AGO2: variants seen among roughly 807,000 people sequenced by gnomAD.
The protein encoded by AGO2 is protein argonaute-2.
Under a neutral mutation model 102.3 loss-of-function variants are expected in AGO2, and 5 were observed. The observed-to-expected ratio is 0.05, with a 90% CI of 0.03 to 0.10. The LOEUF is 0.10. AGO2 is among the 10% of genes least tolerant of loss of function. The pLI is 1.00. For missense variants in AGO2, 541 were observed against 1,183.7 expected (o/e 0.46, Z 7.97); for synonymous variants, 449 against 473.1 (o/e 0.95, Z 0.66).
chr8:140,632,553 A>C (rs1042756481), intron 1 of AGO2, among the ~76,000 whole-genome samples: 6 of 152,248 alleles, frequency 3.9e-5, no homozygotes, highest in Non-Finnish European at 7.3e-5. Flanking sequence ...GGTGTAACAC[A>C]CGGGAGCTTG....
At chr8:140,572,619 C>T (rs981449054) in intron 3 of AGO2, 193 bp downstream of exon 3, 3 of 708,938 alleles carry the variant, frequency 4.2e-6, no homozygotes, top group Middle Eastern at 4.3e-4. Flanking sequence ...CAAGTTAAAC[C>T]CCCATCACTG....
intron 1 of AGO2, among the ~76,000 whole-genome samples, chr8:140,614,450 G>A (rs1179492861): frequency 6.6e-6 from 1 of 152,192 alleles, no homozygotes; most frequent in African/African-American, 2.4e-5. Context: ...ACTAAATTCT[G>A]AGCCAATCTT....
intron 1 of AGO2, among the ~76,000 whole-genome samples, chr8:140,586,460 T>G (rs540400973): frequency 2.1e-4 from 32 of 152,330 alleles, no homozygotes; most frequent in African/African-American, 7.7e-4. Context: ...CACTCCAGCC[T>G]GGGTGACAGA....
At chr8:140,542,611 CCAAGATATAGTT>C (rs2072820289) in intron 14 of AGO2, among the ~76,000 whole-genome samples, 1 of 151,790 alleles carries the variant, frequency 6.6e-6, no homozygotes, top group Admixed American at 6.6e-5. Context: ...CTCCAAAAGC[CCAAGATATAGTT>C]GAATGCTTCA....
At chr8:140,595,113 G>C (rs2073806637) in intron 1 of AGO2, among the ~76,000 whole-genome samples, 1 of 152,082 alleles carries the variant, frequency 6.6e-6, no homozygotes, top group East Asian at 1.9e-4. Flanking sequence ...CTAGGCATTT[G>C]TCCTAAGGAA....
At chr8:140,533,185 C>G (rs564836927) in intron 17 of AGO2, among the ~76,000 whole-genome samples, 12 of 148,572 alleles carry the variant, frequency 8.1e-5, no homozygotes, top group South Asian at 4.3e-4. Context: ...GTCAGGAGAT[C>G]GAGACCATCC....
At chr8:140,635,941 C>T (rs1453435233), upstream of AGO2, among the ~76,000 whole-genome samples, 1 of 149,738 alleles carries the variant, frequency 6.7e-6, no homozygotes, top group Non-Finnish European at 1.5e-5. Flanking sequence ...GGGGCGGGCG[C>T]GGCCCCGGGG....
At chr8:140,538,287 T>C (rs76167317) in intron 16 of AGO2, among the ~76,000 whole-genome samples, 3,053 of 152,298 alleles carry the variant, frequency 0.02, 87 homozygotes, top group African/African-American at 0.069. Context: ...GCCAAGTAGA[T>C]GATAACCCTC....
At position 140,527,335 on chromosome 8, in the gene AGO2, T is replaced by C. The variant is rs1474995622; in HGVS notation, c.*4709A>G. On this transcript the variant is annotated 3_prime_UTR_variant, in exon 19 of 19. Transcript: ENST00000220592. The surrounding 1 kb of genome is among the most constrained non-coding windows in gnomAD (Gnocchi z 6.0). ...ACACATAATACTGAATACGAGGCAG[T>C]GTCTCCACAACAGAGCCACGTGTTG... is the stretch of plus-strand genomic sequence containing the variant. 6.6e-6 allele frequency: 1 copy of C among 152,304 alleles called. No individual in the cohort carries two copies. The highest frequency in any genetic ancestry group is 6.5e-5 in the Admixed American group (1 of 15,280). 9.4% of individuals were successfully genotyped at this position (152,304 alleles called of 1,614,324 possible).
In AGO2 at chr8:140,595,587, G is replaced by A. The variant is rs559460093; in HGVS notation, c.23-10276C>T. Reference sequence around the variant, plus strand: ...CTCCCAAATAGCTGGGACTACAGGCGTGTGCCATCATGCCAGGCTATATAT... The same window carrying A: ...CTCCCAAATAGCTGGGACTACAGGCATGTGCCATCATGCCAGGCTATATAT... On this transcript the variant is annotated intron_variant, in intron 1 of 18. Coordinates refer to ENST00000220592, the MANE Select transcript of AGO2 (RefSeq NM_012154.5). Among the ~76,000 whole-genome samples the A allele has an allele frequency of 1.5e-4, 21 of 137,722 alleles. No homozygotes were observed. In the South Asian group the frequency reaches 3.5e-3, roughly 23 times the overall value. 90.4% of individuals were successfully genotyped at this position (137,722 alleles called of 152,430 possible).
chr8:140,569,391 A>G (rs2073342923), intron 3 of AGO2, among the ~76,000 whole-genome samples: 1 of 152,238 alleles, frequency 6.6e-6, no homozygotes, highest in Admixed American at 6.5e-5. Context: ...ATTCAGTGAG[A>G]TGTGGGAATA....
intron 16 of AGO2, among the ~76,000 whole-genome samples, chr8:140,537,825 T>C (rs1241552394): frequency 6.6e-6 from 1 of 152,198 alleles, no homozygotes; most frequent in Non-Finnish European, 1.5e-5. Context: ...TTTTGGGTAT[T>C]GTTTTTCTTT....
intron 2 of AGO2, among the ~76,000 whole-genome samples, chr8:140,584,568 C>T (rs1301056935): frequency 6.6e-6 from 1 of 152,180 alleles, no homozygotes; most frequent in Non-Finnish European, 1.5e-5. Context: ...ATAATGGCCA[C>T]AGCCTAGACT....
At chr8:140,577,588 G>A (rs140335144) in intron 2 of AGO2, among the ~76,000 whole-genome samples, 53 of 152,292 alleles carry the variant, frequency 3.5e-4, no homozygotes, top group African/African-American at 1.3e-3. Flanking sequence ...AGGCTGGCAG[G>A]TATTCTTGAG....
chr8:140,635,616 G>C lies in AGO2; in HGVS notation c.-110C>G. The C allele has an allele frequency of 1.5e-5, 12 of 797,988 alleles. No individual in the cohort carries two copies. The highest frequency in any genetic ancestry group is 1.8e-5 in the Non-Finnish European group (12 of 661,674). 49.4% of individuals were successfully genotyped at this position (797,988 alleles called of 1,614,324 possible). On this transcript the variant is annotated 5_prime_UTR_variant, in exon 1 of 19. Coordinates refer to ENST00000220592, the MANE Select transcript of AGO2 (RefSeq NM_012154.5). ...CCGGCCGCACGATCCGCCCCGGCGC[G>C]GCCGCCTCGCCAAACAGGTTTACCC...
chr8:140,547,682 C>T (rs1441185238), intron 12 of AGO2, 55 bp from the exon 13 acceptor site: 9 of 1,562,376 alleles, frequency 5.8e-6, no homozygotes, highest in South Asian at 1.2e-5. Flanking sequence ...CTCAGCTGGC[C>T]CCGAGAGCAG....
At chr8:140,549,049 G>A in intron 12 of AGO2, 65 bp downstream of exon 12, 7 of 1,518,962 alleles carry the variant, frequency 4.6e-6, no homozygotes, top group Non-Finnish European at 6.2e-6. Context: ...AGGGGCTTAG[G>A]CAGGAACAAA....
chr8:140,551,425 A>G lies in AGO2; in HGVS notation c.1281T>C (p.Ile427=). 6.4e-7 allele frequency: 1 copy of G among 1,571,280 alleles called. No individual in the cohort carries two copies. The highest frequency in any genetic ancestry group is 8.7e-7 in the Non-Finnish European group (1 of 1,153,098). ...SILYGGRNKA[I]ATPVQGVWDM... ...CCCAGACGCCCTGGACAGGGGTCGC[A>G]ATAGCTTTATTCTGCAAATGGCAAA... Residue 427 remains isoleucine, a synonymous_variant, in exon 11 of 19, where the codon ATT becomes ATC. Transcript: ENST00000220592.
intron 1 of AGO2, among the ~76,000 whole-genome samples, chr8:140,625,811 C>A (rs993014010): frequency 6.6e-6 from 1 of 152,218 alleles, no homozygotes; most frequent in Admixed American, 6.5e-5. Context: ...CTCAGGGGAG[C>A]TGCACAGAAC....
Sources: gnomAD v4.1 joint callset for allele counts (sites outside exome capture counted in the v4.1 genomes callset) on GRCh38, gnomAD v4.1.1 for gene constraint, Gnocchi (gnomAD v3.1) non-coding constraint, MANE v1.5 for transcripts, NCBI Gene and HGNC (gene_info 2026-07-23, HGNC 2026-07-21) for gene names.